Variants in WWP2 observed in about 807,000 individuals in gnomAD.
The protein encoded by WWP2 is WW domain containing E3 ubiquitin protein ligase 2, also known as NEDD4-like E3 ubiquitin-protein ligase WWP2.
WWP2 carries 57 observed loss-of-function variants against 121.0 expected under a neutral mutation model. The ratio of observed to expected loss-of-function variants is 0.47; its 90% CI spans 0.38 to 0.59. The LOEUF (loss-of-function observed/expected upper bound fraction) is 0.59. Ranked by LOEUF, WWP2 falls within the 20% of genes least tolerant of loss-of-function variation. The pLI, the probability that WWP2 is intolerant of heterozygous loss-of-function variation, is 0.00. For synonymous variants in WWP2, 449 were observed against 441.3 expected (o/e 1.02, Z -0.22); for missense variants, 962 against 1,158.9 (o/e 0.83, Z 2.47).
At chr16:69,930,307 C>A in intron 13 of WWP2, 49 bp downstream of exon 13, 1 of 1,602,594 alleles carries the variant, frequency 6.2e-7, no homozygotes, top group South Asian at 1.1e-5. Context: ...GAGGCCCAGG[C>A]TGTCCTTGTT....
intron 4 of WWP2, among the ~76,000 whole-genome samples, chr16:69,819,402 G>A (rs1381034489): frequency 1.3e-5 from 2 of 152,166 alleles, no homozygotes; most frequent in South Asian, 2.1e-4. Context: ...ATGCTCCTCC[G>A]CTTTCCAGAT....
rs1257267797 is a variant in WWP2 at position 69,931,499 on chromosome 16, T to G, written c.1522-10T>G. ...CTCGATTTAAAGTTCTTTTCTTTTTTTTTTTTCAGTCAAATGCCCTACCTA... is the reference window on the plus strand; with the variant it reads ...CTCGATTTAAAGTTCTTTTCTTTTTGTTTTTTCAGTCAAATGCCCTACCTA... On this transcript the variant is annotated splice_polypyrimidine_tract_variant and intron_variant, in intron 14 of 23. Coordinates refer to ENST00000359154, the MANE Select transcript of WWP2 (RefSeq NM_001270454.2). 1 of 1,613,434 alleles carries G rather than the reference T, an allele frequency of 6.2e-7. No homozygotes were observed.
chr16:69,791,030 T>C (rs2151800403), intron 2 of WWP2, among the ~76,000 whole-genome samples: 1 of 152,320 alleles, frequency 6.6e-6, no homozygotes, highest in South Asian at 2.1e-4. Flanking sequence ...GCCTTGCTTC[T>C]GCCCTTTTGA....
At chr16:69,831,412 G>T (rs978009005) in intron 4 of WWP2, among the ~76,000 whole-genome samples, 3 of 152,106 alleles carry the variant, frequency 2.0e-5, no homozygotes, top group African/African-American at 7.2e-5. Flanking sequence ...TAACGGAATT[G>T]CATTATAGTA....
rs1228066849 is a variant in WWP2, at chr16:69,842,111, G to C, written c.566G>C (p.Gly189Ala). ...CCCCCCAGCACAAACTGCTTTGGTG[G>C]AAGATCCCGGTAAGACCCCCCTTGG... Reference protein sequence around the residue: ...HQPPSTNCFGGRSRTHRHSGA... With the variant: ...HQPPSTNCFGARSRTHRHSGA... Residue 189 changes from glycine (G) to alanine (A), a missense_variant, in exon 6 of 24, where the codon GGA (glycine) becomes GCA (alanine). Physicochemically the swap from Gly to Ala is moderately conservative, Grantham distance 60. Around this residue, in one of 3 missense-constraint regions of WWP2, gnomAD observed 211 missense variants for 196.5 expected, o/e 1.07. Transcript: ENST00000359154. 1 of 1,612,418 alleles carries C rather than the reference G, an allele frequency of 6.2e-7. No homozygotes were observed. Among genetic ancestry groups the C allele is most frequent in the Non-Finnish European group, 8.5e-7 (1 of 1,179,308 alleles).
intron 4 of WWP2, among the ~76,000 whole-genome samples, chr16:69,806,632 A>G (rs927217098): frequency 6.6e-6 from 1 of 152,010 alleles, no homozygotes; most frequent in African/African-American, 2.4e-5. Context: ...TCTTGACTCA[A>G]TTTTGTTAAC....
At chr16:69,881,402 A>C (rs1284639448) in intron 7 of WWP2, among the ~76,000 whole-genome samples, 3 of 152,216 alleles carry the variant, frequency 2.0e-5, no homozygotes, top group Non-Finnish European at 4.4e-5. Flanking sequence ...TGGGAGGATC[A>C]ATGAGCTAAT....
At chr16:69,903,944 C>T (rs2058247838) in intron 8 of WWP2, among the ~76,000 whole-genome samples, 1 of 152,050 alleles carries the variant, frequency 6.6e-6, no homozygotes, top group Admixed American at 6.6e-5. Flanking sequence ...ACAAAACTAC[C>T]CAAAGAACTG....
chr16:69,864,431 T>C (rs1016826802), intron 6 of WWP2, among the ~76,000 whole-genome samples: 2 of 152,226 alleles, frequency 1.3e-5, no homozygotes, highest in African/African-American at 2.4e-5. Context: ...TATTTAACTT[T>C]ATAAGAAACT....
chr16:69,830,606 T>TA (rs534614774), intron 4 of WWP2, among the ~76,000 whole-genome samples: 88 of 152,096 alleles, frequency 5.8e-4, no homozygotes, highest in Non-Finnish European at 1.1e-3. Context: ...GGGTTCTGGG[T>TA]AAGACCCTGC....
chr16:69,827,784 C>T, intron 4 of WWP2: 1 of 425,760 alleles, frequency 2.3e-6, no homozygotes, highest in Non-Finnish European at 4.7e-6. Flanking sequence ...GGCAGGGACT[C>T]TCCCTCCCCT....
intron 8 of WWP2, among the ~76,000 whole-genome samples, chr16:69,897,533 T>A (rs1057012766): frequency 6.6e-6 from 1 of 152,210 alleles, no homozygotes; most frequent in African/African-American, 2.4e-5. Flanking sequence ...ACTTGGGACA[T>A]GCATTTAAAC....
chr16:69,866,294 A>ATTTT, intron 6 of WWP2, among the ~76,000 whole-genome samples: 1 of 149,726 alleles, frequency 6.7e-6, no homozygotes, highest in Non-Finnish European at 1.5e-5. Context: ...TTATTTATTT[A>ATTTT]TTTATTTATT....
intron 8 of WWP2, among the ~76,000 whole-genome samples, chr16:69,896,787 T>C (rs1470606511): frequency 6.6e-6 from 1 of 151,732 alleles, no homozygotes; most frequent in East Asian, 1.9e-4. Context: ...GTTTCTAAGG[T>C]GCTGGGGACT....
rs1284234318 is a variant in WWP2 at position 69,843,455 on chromosome 16, A to G, written c.575+1335A>G. Among the ~76,000 whole-genome samples the G allele has an allele frequency of 2.6e-5, 4 of 152,172 alleles. No individual in the cohort carries two copies. In the East Asian group the frequency reaches 5.8e-4, roughly 22 times the overall value. ...TGTTTATTGTTTATTGCAATGTGCA[A>G]AATCCCCAGATATTTAGAGGACATT... On this transcript the variant is annotated intron_variant, in intron 6 of 23. Transcript: ENST00000359154.
At chr16:69,855,716 G>A (rs1295137888) in intron 6 of WWP2, among the ~76,000 whole-genome samples, 2 of 152,184 alleles carry the variant, frequency 1.3e-5, no homozygotes, top group African/African-American at 2.4e-5. Context: ...TGTTGGAAAG[G>A]CCTTAAGTTA....
chr16:69,770,117 C>T (rs959833312), intron 1 of WWP2, among the ~76,000 whole-genome samples: 3 of 152,098 alleles, frequency 2.0e-5, no homozygotes, highest in African/African-American at 7.2e-5. Context: ...CTGCCTTGGC[C>T]TCCCAAAGTG....
intron 6 of WWP2, among the ~76,000 whole-genome samples, chr16:69,863,566 T>C (rs7200258): frequency 6.3e-4 from 96 of 152,050 alleles, no homozygotes; most frequent in South Asian, 5.4e-3. Flanking sequence ...TTGAACCTGG[T>C]GGGGGCAGAG....
intron 6 of WWP2, among the ~76,000 whole-genome samples, chr16:69,864,180 C>A (rs1384724923): frequency 2.0e-5 from 3 of 152,016 alleles, no homozygotes; most frequent in East Asian, 1.9e-4. Flanking sequence ...TCAGCCTGGG[C>A]AACATGGTAA....
Sources: gnomAD v4.1 joint callset for allele counts (sites outside exome capture counted in the v4.1 genomes callset) on GRCh38, gnomAD v4.1.1 for gene constraint, gnomAD v4.1.1 regional missense constraint, MANE v1.5 for transcripts, NCBI Gene and HGNC (gene_info 2026-07-23, HGNC 2026-07-21) for gene names.